Variants in RBM33 observed in about 807,000 individuals in gnomAD.
RBM33 encodes the protein RNA-binding protein 33.
Under a neutral mutation model 132.6 loss-of-function variants are expected in RBM33, and 28 were observed. That is an observed-to-expected ratio of 0.21 (90% CI 0.16 to 0.29). The LOEUF is 0.29. Ranked by LOEUF, RBM33 falls within the 10% of genes least tolerant of loss-of-function variation. The pLI is 1.00. For synonymous variants in RBM33, 634 were observed against 593.0 expected, an observed-to-expected ratio of 1.07 and a Z score of -1.01; for missense variants, 1,291 against 1,518.5, an observed-to-expected ratio of 0.85 and a Z score of 2.49.
At chr7:155,702,443 G>T (rs1012086386) in intron 6 of RBM33, among the ~76,000 whole-genome samples, 9 of 152,118 alleles carry the variant, frequency 5.9e-5, no homozygotes, top group Non-Finnish European at 1.3e-4. Flanking sequence ...ATATGAAGTT[G>T]CCAGTTGAGC....
At chr7:155,669,930 C>T (rs1174564152) in intron 2 of RBM33, among the ~76,000 whole-genome samples, 1 of 152,148 alleles carries the variant, frequency 6.6e-6, no homozygotes, top group Non-Finnish European at 1.5e-5. Context: ...TTAGGACCGG[C>T]TGTGCCAGCT....
rs993284160 is a variant in RBM33 at position 155,673,505 on chromosome 7, C to T, written c.171+590C>T. 4.2e-4 allele frequency among the ~76,000 whole-genome samples: 59 copies of T among 139,620 alleles called. 1 individual carries two copies. Among genetic ancestry groups the T allele is most frequent in the African/African-American group, 1.7e-3 (56 of 33,738 alleles). 91.6% of individuals were successfully genotyped at this position (139,620 alleles called of 152,430 possible). On this transcript the variant is annotated intron_variant, in intron 3 of 17. Coordinates refer to ENST00000401878, the MANE Select transcript of RBM33 (RefSeq NM_053043.3). ...GTGTATATATATACACACATATATA[C>T]ATACACACGTGTATATATATACACA...
intron 5 of RBM33, among the ~76,000 whole-genome samples, chr7:155,683,007 T>TA (rs529156490): frequency 0.11 from 15,421 of 145,346 alleles, 1,228 homozygotes; most frequent in African/African-American, 0.24. Context: ...AGTCTTGAAG[T>TA]AAAAAAAAAA....
chr7:155,754,953 G>A (rs1038867497), intron 14 of RBM33, among the ~76,000 whole-genome samples: 2 of 152,130 alleles, frequency 1.3e-5, no homozygotes, highest in Admixed American at 1.3e-4. Flanking sequence ...ATTTCATGAG[G>A]ATAATTCATT....
rs1585560042 is a variant in RBM33, at chr7:155,775,687, G to C, written c.*646G>C. ...GCGTCAACTCTGTGTTCCTAGTTTCGATGAACTCCCCATTCATTTTTAACA... is the reference window on the plus strand; with the variant it reads ...GCGTCAACTCTGTGTTCCTAGTTTCCATGAACTCCCCATTCATTTTTAACA... On this transcript the variant is annotated 3_prime_UTR_variant, in exon 18 of 18. Coordinates refer to ENST00000401878, the MANE Select transcript of RBM33 (RefSeq NM_053043.3). The C allele has an allele frequency of 6.4e-6, 1 of 157,014 alleles. No homozygotes were observed. Among genetic ancestry groups the C allele is most frequent in the Non-Finnish European group, 1.4e-5 (1 of 70,780 alleles). 9.7% of individuals were successfully genotyped at this position (157,014 alleles called of 1,614,324 possible). A position where few individuals can be genotyped will look rare whatever the true frequency, so the allele number is the denominator to read the frequency against.
chr7:155,732,889 TA>T (rs1800997818), intron 9 of RBM33, among the ~76,000 whole-genome samples: 1 of 152,154 alleles, frequency 6.6e-6, no homozygotes, highest in Non-Finnish European at 1.5e-5. Context: ...ATGAGCCAGT[TA>T]AAATAAAACA....
Position 155,711,337 on chromosome 7 carries a change from G to A in RBM33, c.1083G>A (p.Met361Ile). The A allele has an allele frequency of 6.2e-7, 1 of 1,603,992 alleles. No homozygotes were observed. Among genetic ancestry groups the A allele is most frequent in the Non-Finnish European group, 8.5e-7 (1 of 1,175,558 alleles). ...HHPSPPQGMHMPPQLETPRMM... is the reference protein window; with the variant it reads ...HHPSPPQGMHIPPQLETPRMM... ...CATCCCCGCCTCAGGGAATGCACAT[G>A]CCTCCCCAGCTAGAGACCCCAAGGA... is the stretch of plus-strand genomic sequence containing the variant. Residue 361 changes from methionine (M) to isoleucine (I), a missense_variant, in exon 8 of 18, where the codon ATG becomes ATA. Physicochemically the swap from Met to Ile is conservative, Grantham distance 10. Around this residue, in one of 7 missense-constraint regions of RBM33, gnomAD observed 146 missense variants for 137.1 expected, o/e 1.07. Transcript: ENST00000401878.
Position 155,673,547 on chromosome 7 carries a change from C to CGT in RBM33, c.171+635_171+636dup, listed in dbSNP as rs1235383245. On this transcript the variant is annotated intron_variant, in intron 3 of 17. Coordinates refer to ENST00000401878, the MANE Select transcript of RBM33 (RefSeq NM_053043.3). ...ATATACACACATATATACATACACACGTGTATATATATACACACATATACA... is the reference window on the plus strand; with the variant it reads ...ATATACACACATATATACATACACACGTGTGTATATATATACACACATATACA... Among the ~76,000 whole-genome samples the CGT allele has an allele frequency of 9.7e-5, 7 of 71,986 alleles. 2 individuals carry two copies. Among genetic ancestry groups the CGT allele is most frequent in the African/African-American group, 3.5e-4 (7 of 19,904 alleles). The allele number at this position is 71,986 out of a possible 152,430, so 47.2% of individuals were successfully genotyped here. A position where few individuals can be genotyped will look rare whatever the true frequency, so the allele number is the denominator to read the frequency against.
At chr7:155,737,688 G>T in intron 10 of RBM33, 26 bp downstream of exon 10, 1 of 1,540,558 alleles carries the variant, frequency 6.5e-7, no homozygotes, top group Non-Finnish European at 8.7e-7. Flanking sequence ...GTGGTGTGGA[G>T]TAACAACAGA....
chr7:155,715,659 T>G (rs1800440318), intron 8 of RBM33, among the ~76,000 whole-genome samples: 1 of 152,242 alleles, frequency 6.6e-6, no homozygotes, highest in African/African-American at 2.4e-5. Flanking sequence ...TCATTTACCT[T>G]TGACCTTCAG....
intron 5 of RBM33, among the ~76,000 whole-genome samples, chr7:155,690,426 G>A (rs1799603073): frequency 6.6e-6 from 1 of 151,928 alleles, no homozygotes; most frequent in East Asian, 1.9e-4. Flanking sequence ...TACCCCGTTC[G>A]CCAGTCTGTG....
chr7:155,697,366 A>G (rs1052153768), intron 5 of RBM33, among the ~76,000 whole-genome samples: 7 of 151,432 alleles, frequency 4.6e-5, no homozygotes, highest in African/African-American at 2.4e-5. Context: ...TTGTTTCTGT[A>G]TTAATGAAGG....
At chr7:155,736,633 A>AT (rs1801134592) in intron 9 of RBM33, among the ~76,000 whole-genome samples, 1 of 152,088 alleles carries the variant, frequency 6.6e-6, no homozygotes, top group South Asian at 2.1e-4. Flanking sequence ...TCTGTGTACT[A>AT]TTTTTTCTGT....
chr7:155,728,439 T>C (rs1022158328), intron 9 of RBM33, among the ~76,000 whole-genome samples: 1 of 152,150 alleles, frequency 6.6e-6, no homozygotes, highest in Non-Finnish European at 1.5e-5. Flanking sequence ...CACTTGCAAA[T>C]CCTTCTTTCT....
rs556870570 is a variant in RBM33, at chr7:155,756,552, A to G, written c.2980-7260A>G. Among the ~76,000 whole-genome samples the G allele has an allele frequency of 2.0e-5, 3 of 152,290 alleles. No individual in the cohort carries two copies. The South Asian group carries it at 6.2e-4, about 32-fold the overall frequency. On this transcript the variant is annotated intron_variant, in intron 14 of 17. Coordinates refer to ENST00000401878, the MANE Select transcript of RBM33 (RefSeq NM_053043.3). ...TTTCCACATTGATCCTGCCATATAA[A>G]TTGGGCCAAGTGTGAGTCTAGCGCG...
At chr7:155,765,058 A>G (rs1802168221) in intron 15 of RBM33, among the ~76,000 whole-genome samples, 1 of 152,236 alleles carries the variant, frequency 6.6e-6, no homozygotes, top group Admixed American at 6.5e-5. Flanking sequence ...ATATATGATG[A>G]GAAAGGCCTT....
chr7:155,696,804 C>T (rs552513693), intron 5 of RBM33, among the ~76,000 whole-genome samples: 3 of 152,308 alleles, frequency 2.0e-5, no homozygotes, highest in Admixed American at 2.0e-4. Flanking sequence ...GTTGTCTCTC[C>T]ATTCCCCTTT....
At chr7:155,736,863 A>T (rs1367551191) in intron 9 of RBM33, among the ~76,000 whole-genome samples, 13 of 152,238 alleles carry the variant, frequency 8.5e-5, no homozygotes, top group Admixed American at 8.5e-4. Context: ...ATAAGCTTAA[A>T]AATAATATTC....
At chr7:155,717,386 C>T (rs1298970354) in intron 8 of RBM33, among the ~76,000 whole-genome samples, 2 of 152,076 alleles carry the variant, frequency 1.3e-5, no homozygotes, top group Non-Finnish European at 2.9e-5. Flanking sequence ...GTCTAAATTT[C>T]CCTTTCTTAG....
Sources: gnomAD v4.1 joint callset for allele counts (sites outside exome capture counted in the v4.1 genomes callset) on GRCh38, gnomAD v4.1.1 for gene constraint, gnomAD v4.1.1 regional missense constraint, MANE v1.5 for transcripts, NCBI Gene and HGNC (gene_info 2026-07-23, HGNC 2026-07-21) for gene names.